Variants in B4GALNT4 observed in about 807,000 individuals in gnomAD.
The protein encoded by B4GALNT4 is beta-1,4-N-acetyl-galactosaminyltransferase 4.
Under a neutral mutation model 110.0 loss-of-function variants are expected in B4GALNT4, and 77 were observed. That is an observed-to-expected ratio of 0.70 (90% CI 0.58 to 0.85). The LOEUF is 0.85. Among genes scored for constraint, B4GALNT4 ranks in the 40% least tolerant of loss-of-function variants. The pLI is 0.00. For synonymous variants in B4GALNT4, 785 were observed against 655.5 expected (o/e 1.20, Z -3.02); for missense variants, 1,575 against 1,506.0 (o/e 1.05, Z -0.76).
At position 380,010 on chromosome 11, in the gene B4GALNT4, G is replaced by C. The variant is rs897728667; in HGVS notation, c.2633G>C (p.Arg878Pro). 4.3e-6 allele frequency: 7 copies of C among 1,612,282 alleles called. No homozygotes were observed. The highest frequency in any genetic ancestry group is 5.9e-6 in the Non-Finnish European group (7 of 1,179,312). The change falls in exon 16 of 20, where the codon CGC (arginine) becomes CCC (proline). Residue 878 changes from arginine (R) to proline (P), a missense_variant. Arg to Pro is a moderately radical substitution (Grantham distance 103, BLOSUM62 -2). Transcript: ENST00000329962. ...GTGGAGCGGGCCCTGCGCGCCGCGC[G>C]CCTGCCCCGGTAACGACCCCTACTT... ...MDVERALRAA[R>P]LPRYQYLRRT...
chr11:370,012 G>GGGCGCGGGCGGCGCGGGGGGCGCGGGC (rs1413841582), intron 1 of B4GALNT4, 58 bp downstream of exon 1: 1 of 135,026 alleles, frequency 7.4e-6, no homozygotes, highest in Non-Finnish European at 1.3e-5. Context: ...GGGGCGCGGG[G>GGGCGCGGGCGGCGCGGGGGGCGCGGGC]GGCGCGGGCG....
At chr11:373,906 C>T (rs1277667766) in intron 8 of B4GALNT4, 78 bp downstream of exon 8, 2 of 1,434,794 alleles carry the variant, frequency 1.4e-6, no homozygotes, top group African/African-American at 2.8e-5. Context: ...CAATGGGGTC[C>T]CCGTCCCAAA....
Position 375,865 on chromosome 11 carries a change from C to T in B4GALNT4, c.1004C>T (p.Ser335Leu), listed in dbSNP as rs1291379413. The T allele has an allele frequency of 1.9e-6, 3 of 1,610,744 alleles. No individual in the cohort carries two copies. The highest frequency in any genetic ancestry group is 2.2e-5 in the South Asian group (2 of 90,886). The change falls in exon 11 of 20, where the codon TCG (serine) becomes TTG (leucine). Residue 335 changes from serine to leucine, a missense_variant. Coordinates refer to ENST00000329962, the MANE Select transcript of B4GALNT4 (RefSeq NM_178537.5). ...CCTGCAGCTCCACGCATGGAATCTT[C>T]GAGCCTGGAGAACGTGCTGGAGCCC... ...TFFLTPRMES[S>L]SLENVLEPCA... is the part of the protein sequence containing the mutation.
chr11:372,606 T>C, intron 2 of B4GALNT4, 56 bp from the exon 3 acceptor site: 1 of 1,405,428 alleles, frequency 7.1e-7, no homozygotes, highest in Admixed American at 1.8e-5. Context: ...TCTTGGTGTG[T>C]GTGACCTCCT....
In B4GALNT4 at chr11:377,277, C is replaced by T. The variant is rs1374010954; in HGVS notation, c.2154C>T (p.Ala718=). Residue 718 remains alanine (A), a synonymous_variant, in exon 14 of 20, where the codon GCC becomes GCT. Coordinates refer to ENST00000329962, the MANE Select transcript of B4GALNT4 (RefSeq NM_178537.5). Reference sequence around the variant, plus strand: ...ACCTGCAGCTGCCGGAGGCGGAGGCCGTGGACGTGACCGCTCAGTACATGG... The same window carrying T: ...ACCTGCAGCTGCCGGAGGCGGAGGCTGTGGACGTGACCGCTCAGTACATGG... ...SGNLQLPEAE[A]VDVTAQYMER... 4 of 1,592,216 alleles carry T rather than the reference C, an allele frequency of 2.5e-6. No individual in the cohort carries two copies. Among genetic ancestry groups the T allele is most frequent in the African/African-American group, 2.7e-5 (2 of 74,526 alleles).
Position 373,816 on chromosome 11 carries a change from C to T in B4GALNT4, c.771C>T (p.His257=), listed in dbSNP as rs143448424. Residue 257 remains histidine, a synonymous_variant, in exon 8 of 20, where the codon CAC becomes CAT. Coordinates refer to ENST00000329962, the MANE Select transcript of B4GALNT4 (RefSeq NM_178537.5). ...LHKQDDRGSD[H]VEVGWRAFLP... is the part of the protein sequence containing the mutation. The stretch of plus-strand genomic sequence containing the variant: ...AGCAGGACGACCGCGGCTCGGACCA[C>T]GTGGAAGTGGGCGTGAGTGCCTTCC... 78 of 1,612,028 alleles carry T rather than the reference C, an allele frequency of 4.8e-5. No homozygotes were observed. Among genetic ancestry groups the T allele is most frequent in the South Asian group, 2.0e-4 (18 of 91,082 alleles).
rs370599762 is a variant in B4GALNT4 at position 375,824 on chromosome 11, C to T, written c.986-23C>T. The T allele has an allele frequency of 3.1e-6, 5 of 1,605,734 alleles. No homozygotes were observed. In the South Asian group the frequency reaches 5.5e-5, roughly 18 times the overall value. ...AGGGCGGGGGTGCCTGCCCCAGCCA[C>T]CCTGTGACCGCACCTCCTGCAGCTC... is the stretch of plus-strand genomic sequence containing the variant. On this transcript the variant is annotated intron_variant, in intron 10 of 19. Transcript: ENST00000329962.
At position 379,656 on chromosome 11, in the gene B4GALNT4, C is replaced by T. The variant is rs1320135417; in HGVS notation, c.2443C>T (p.Arg815Cys). ...DGRPELCRPL[R>C]LAWRQDVMVH... ...CCGCCCCGAGCTCTGCCGGCCACTG[C>T]GCCTGGCCTGGCGCCAGGACGTGAT... Residue 815 changes from arginine to cysteine, a missense_variant, in exon 15 of 20, where the codon CGC becomes TGC. Transcript: ENST00000329962. The T allele has an allele frequency of 6.6e-7, 1 of 1,504,582 alleles. No homozygotes were observed. The highest frequency in any genetic ancestry group is 2.3e-5 in the East Asian group (1 of 42,798). The allele number at this position is 1,504,582 out of a possible 1,614,324, so 93.2% of individuals were successfully genotyped here. A position where few individuals can be genotyped will look rare whatever the true frequency, so the allele number is the denominator to read the frequency against.
chr11:375,917 C>A lies in B4GALNT4; in HGVS notation c.1056C>A (p.Val352=). The A allele has an allele frequency of 6.2e-7, 1 of 1,612,082 alleles. No individual in the cohort carries two copies. The highest frequency in any genetic ancestry group is 1.1e-5 in the South Asian group (1 of 91,022). The change falls in exon 11 of 20, where the codon GTC becomes GTA. Residue 352 remains valine (V), a synonymous_variant. Coordinates refer to ENST00000329962, the MANE Select transcript of B4GALNT4 (RefSeq NM_178537.5). ...EPCAYAPTYV[V]KDFPIARYQG... Reference sequence around the variant, plus strand: ...GCGCCTACGCCCCCACCTACGTGGTCAAGGACTTCCCGATCGCCAGATACC... The same window carrying A: ...GCGCCTACGCCCCCACCTACGTGGTAAAGGACTTCCCGATCGCCAGATACC...
Position 373,460 on chromosome 11 carries a change from G to A in B4GALNT4, c.648G>A (p.Glu216=), listed in dbSNP as rs751198999. 2 of 1,597,132 alleles carry A rather than the reference G, an allele frequency of 1.3e-6. No individual in the cohort carries two copies. The highest frequency in any genetic ancestry group is 4.6e-5 in the East Asian group (2 of 43,794). The change falls in exon 7 of 20, where the codon GAG becomes GAA. Residue 216 remains glutamate (E), a synonymous_variant. Transcript: ENST00000329962. ...LVAFVGKTGS[E]WTAPGEFTKF... ...CTATCACCCCCCAGACTGGCTCCGAGTGGACAGCGCCTGGAGAATTCACCA... is the reference window on the plus strand; with the variant it reads ...CTATCACCCCCCAGACTGGCTCCGAATGGACAGCGCCTGGAGAATTCACCA...
intron 8 of B4GALNT4, 66 bp downstream of exon 8, chr11:373,894 C>T (rs767072780): frequency 4.3e-5 from 65 of 1,502,836 alleles, no homozygotes; most frequent in East Asian, 9.1e-5. Flanking sequence ...GCAGGACAAC[C>T]GCAATGGGGT....
chr11:378,612 A>AC (rs147378029), intron 14 of B4GALNT4, among the ~76,000 whole-genome samples: 1 of 152,326 alleles, frequency 6.6e-6, no homozygotes, highest in East Asian at 1.9e-4. Flanking sequence ...AGTGAAAGGC[A>AC]CAGACTGCCA....
At chr11:373,419 C>CCCCCCCCGCCA in intron 6 of B4GALNT4, 30 bp from the exon 7 acceptor site, 2 of 1,080,022 alleles carry the variant, frequency 1.9e-6, no homozygotes, top group South Asian at 2.8e-5. Flanking sequence ...CCCCCCCCCC[C>CCCCCCCCGCCA]ACCACCACCC....
chr11:377,145 C>A lies in B4GALNT4; in HGVS notation c.2022C>A (p.Arg674=). 6.5e-7 allele frequency: 1 copy of A among 1,532,214 alleles called. No individual in the cohort carries two copies. The allele number at this position is 1,532,214 out of a possible 1,614,324, so 94.9% of individuals were successfully genotyped here. A position where few individuals can be genotyped will look rare whatever the true frequency, so the allele number is the denominator to read the frequency against. Residue 674 remains arginine (R), a synonymous_variant, in exon 14 of 20, where the codon CGC becomes CGA. Coordinates refer to ENST00000329962, the MANE Select transcript of B4GALNT4 (RefSeq NM_178537.5). ...AGGCCGCGGGCCCGGCGCTCGGACG[C>A]TGGCGTGAGGACGCCATCGACTGGC... ...SEEAAGPALG[R]WREDAIDWQR...
Position 369,721 on chromosome 11 carries a change from C to T in B4GALNT4, c.-83C>T. The T allele has an allele frequency of 8.7e-6, 6 of 688,140 alleles. No homozygotes were observed. Among genetic ancestry groups the T allele is most frequent in the Non-Finnish European group, 1.1e-5 (6 of 564,552 alleles). The allele number at this position is 688,140 out of a possible 1,614,324, so 42.6% of individuals were successfully genotyped here. On this transcript the variant is annotated 5_prime_UTR_variant, in exon 1 of 20. Transcript: ENST00000329962. The stretch of plus-strand genomic sequence containing the variant: ...GGGCGCTGAGCGCGGCGGGGCGGGC[C>T]GGGGATGCGGCGCGGGGCGGGCGGG...
intron 8 of B4GALNT4, among the ~76,000 whole-genome samples, chr11:375,167 TGGAAGGGAGGGAGGA>T (rs1305632483): frequency 7.3e-4 from 13 of 17,856 alleles, no homozygotes; most frequent in African/African-American, 1.6e-3. Flanking sequence ...GGGAGGGAGG[TGGAAGGGAGGGAGGA>T]GGAAGGGAGG....
chr11:370,507 C>T (rs892287969), intron 1 of B4GALNT4, among the ~76,000 whole-genome samples: 3 of 152,094 alleles, frequency 2.0e-5, no homozygotes, highest in Non-Finnish European at 2.9e-5. Flanking sequence ...GGGATGGGGC[C>T]CAGCTTGGGG....
intron 14 of B4GALNT4, 89 bp from the exon 15 acceptor site, chr11:379,329 G>C: frequency 7.3e-7 from 1 of 1,366,660 alleles, no homozygotes; most frequent in South Asian, 1.6e-5. Flanking sequence ...ACTCCAAGTC[G>C]GCTGAGTTTC....
At position 370,437 on chromosome 11, in the gene B4GALNT4, AC is replaced by A. The variant is rs1353191722; in HGVS notation, c.151+484del. 2.6e-5 allele frequency among the ~76,000 whole-genome samples: 4 copies of A among 151,324 alleles called. No individual in the cohort carries two copies. The East Asian group carries it at 8.0e-4, about 30-fold the overall frequency. ...TGCTGAAGTGGCCGGTGCAGCTGGG[AC>A]GCTTCCCGGCGGGGGCGCCTTCGGT... is the stretch of plus-strand genomic sequence containing the variant. On this transcript the variant is annotated intron_variant, in intron 1 of 19. Coordinates refer to ENST00000329962, the MANE Select transcript of B4GALNT4 (RefSeq NM_178537.5).
Sources: allele counts gnomAD v4.1 joint callset (sites outside exome capture counted in the v4.1 genomes callset), GRCh38; gene constraint gnomAD v4.1.1; transcripts MANE v1.5; gene names NCBI Gene and HGNC (gene_info 2026-07-23, HGNC 2026-07-21).